ENGASE: variants seen among roughly 807,000 people sequenced by gnomAD.
ENGASE encodes the protein endo-beta-N-acetylglucosaminidase.
A neutral mutation model predicts 78.5 loss-of-function variants in ENGASE; 69 were observed. The ratio of observed to expected loss-of-function variants is 0.88; its 90% CI spans 0.72 to 1.07. The LOEUF (loss-of-function observed/expected upper bound fraction) is 1.07. Among genes scored for constraint, ENGASE ranks in the 50% least tolerant of loss-of-function variants. The probability of loss-of-function intolerance (pLI) is 0.00; values close to 1 mark genes in which losing one functional copy is unlikely to be tolerated. For synonymous variants in ENGASE, 408 were observed against 408.9 expected, an observed-to-expected ratio of 1.00 and a Z score of 0.03; for missense variants, 943 against 988.4, an observed-to-expected ratio of 0.95 and a Z score of 0.62.
At position 79,087,959 on chromosome 17, in the gene ENGASE, C is replaced by T. The variant is rs537406141; in HGVS notation, c.*1610C>T. 2 of 152,212 alleles carry T rather than the reference C, an allele frequency of 1.3e-5. No individual in the cohort carries two copies. 9.4% of individuals were successfully genotyped at this position (152,212 alleles called of 1,614,324 possible). ...GTGCTCTTGCCTAATTAGGAACATTCTCCCATGTCTCTTGTGTGGTCCCAG... is the reference window on the plus strand; with the variant it reads ...GTGCTCTTGCCTAATTAGGAACATTTTCCCATGTCTCTTGTGTGGTCCCAG... On this transcript the variant is annotated 3_prime_UTR_variant, in exon 14 of 14. Coordinates refer to ENST00000579016, the MANE Select transcript of ENGASE (RefSeq NM_001042573.3).
At chr17:79,076,849 C>T (rs72853338) in intron 1 of ENGASE, among the ~76,000 whole-genome samples, 3 of 152,222 alleles carry the variant, frequency 2.0e-5, no homozygotes, top group Non-Finnish European at 2.9e-5. Flanking sequence ...ATTGGGGTGG[C>T]TGCTTTAGAG....
In ENGASE at chr17:79,085,367, C is replaced by T. The variant is rs769754761; in HGVS notation, c.1700+25C>T. The T allele has an allele frequency of 1.0e-5, 16 of 1,551,664 alleles. No homozygotes were observed. In the South Asian group the frequency reaches 1.7e-4, roughly 17 times the overall value. On this transcript the variant is annotated intron_variant, in intron 12 of 13. Coordinates refer to ENST00000579016, the MANE Select transcript of ENGASE (RefSeq NM_001042573.3). ...AGTAAGTCCCTCTGCTTCTTCACGT[C>T]CTTCTCCCTCACTCAAGTCTCTGTT...
At chr17:79,079,348 G>A (rs1252328574) in intron 3 of ENGASE, 141 bp from the exon 4 acceptor site, 10 of 890,568 alleles carry the variant, frequency 1.1e-5, no homozygotes, top group Non-Finnish European at 1.7e-5. Context: ...AGTTTTTGTG[G>A]GGAGAGATGG....
At chr17:79,082,751 CGCGCAGCCACAGCCAGTTGGG>C in intron 7 of ENGASE, 1 of 1,440,912 alleles carries the variant, frequency 6.9e-7, no homozygotes. Flanking sequence ...ACAATGGGAC[CGCGCAGCCACAGCCAGTTGGG>C]GCCCAGCCCC....
Position 79,081,001 on chromosome 17 carries a change from T to G in ENGASE, c.800T>G (p.Leu267Arg), listed in dbSNP as rs1432771217. The change falls in exon 6 of 14, where the codon CTG becomes CGG. Residue 267 changes from leucine to arginine, a missense_variant. Coordinates refer to ENST00000579016, the MANE Select transcript of ENGASE (RefSeq NM_001042573.3). ...CTGCACCGGCAGGTCCCAGGGGGCC[T>G]GGTGCTCTGGTATGACAGCGTGGTG... Reference protein sequence around the residue: ...TQLHRQVPGGLVLWYDSVVQS... With the variant: ...TQLHRQVPGGRVLWYDSVVQS... 2 of 1,612,796 alleles carry G rather than the reference T, an allele frequency of 1.2e-6. No homozygotes were observed. The highest frequency in any genetic ancestry group is 2.7e-5 in the African/African-American group (2 of 74,890).
At position 79,081,201 on chromosome 17, in the gene ENGASE, G is replaced by A. The variant is rs1028290217; in HGVS notation, c.872+128G>A. 46 of 1,234,556 alleles carry A rather than the reference G, an allele frequency of 3.7e-5. No homozygotes were observed. The South Asian group carries it at 6.6e-4, about 18-fold the overall frequency. 76.5% of individuals were successfully genotyped at this position (1,234,556 alleles called of 1,614,324 possible). On this transcript the variant is annotated intron_variant, in intron 6 of 13. Transcript: ENST00000579016. ...GGTGATGCATATATGACTGCATTGGGTAAAAAGAGGGAGAAGGTGGGCCAG... is the reference window on the plus strand; with the variant it reads ...GGTGATGCATATATGACTGCATTGGATAAAAAGAGGGAGAAGGTGGGCCAG...
At position 79,075,930 on chromosome 17, in the gene ENGASE, G is replaced by T. The variant is rs571405541; in HGVS notation, c.146+840G>T. On this transcript the variant is annotated intron_variant, in intron 1 of 13. Transcript: ENST00000579016. Reference sequence around the variant, plus strand: ...GGATTGTTCTGAGAAGGTCTGGGAGGGGGTGGCTGAAGTATAATAAGGACA... The same window carrying T: ...GGATTGTTCTGAGAAGGTCTGGGAGTGGGTGGCTGAAGTATAATAAGGACA... 2.7e-3 allele frequency: 2,690 copies of T among 982,942 alleles called. 4 individuals are homozygous for T. The highest frequency in any genetic ancestry group is 3.2e-3 in the Non-Finnish European group (2,614 of 827,682). 60.9% of individuals were successfully genotyped at this position (982,942 alleles called of 1,614,324 possible).
chr17:79,085,878 G>A, intron 13 of ENGASE, 55 bp from the exon 14 acceptor site: 1 of 1,573,858 alleles, frequency 6.4e-7, no homozygotes, highest in Admixed American at 1.7e-5. Context: ...GTGCGTGGGG[G>A]CACCCTCTCC....
rs1327559864 is a variant in ENGASE, at chr17:79,088,451, G to C, written c.*2102G>C. Reference sequence around the variant, plus strand: ...ATTAGGAGTAAGGGGGCCTAGTAGAGCGTGGCGTGTGGCAGAATCGCACCG... The same window carrying C: ...ATTAGGAGTAAGGGGGCCTAGTAGACCGTGGCGTGTGGCAGAATCGCACCG... On this transcript the variant is annotated 3_prime_UTR_variant, in exon 14 of 14. Transcript: ENST00000579016. 2.0e-5 allele frequency: 3 copies of C among 152,238 alleles called. No homozygotes were observed. Among genetic ancestry groups the C allele is most frequent in the Non-Finnish European group, 4.4e-5 (3 of 68,036 alleles). 9.4% of individuals were successfully genotyped at this position (152,238 alleles called of 1,614,324 possible).
In ENGASE at chr17:79,074,847, CCAGCGCGGCGT is replaced by C; in HGVS notation, c.-91_-81del. On this transcript the variant is annotated 5_prime_UTR_variant, in exon 1 of 14. Transcript: ENST00000579016. ...CCGGGAGTCAGCTCGGAGTCCCGTC[CCAGCGCGGCGT>C]CAGCGCTGCGCACTTCCCATTGGCC... 1 of 1,205,876 alleles carries C rather than the reference CCAGCGCGGCGT, an allele frequency of 8.3e-7. No homozygotes were observed. The highest frequency in any genetic ancestry group is 1.0e-6 in the Non-Finnish European group (1 of 970,182). 74.7% of individuals were successfully genotyped at this position (1,205,876 alleles called of 1,614,324 possible).
At chr17:79,084,103 C>A (rs180727048) in intron 10 of ENGASE, 152 bp downstream of exon 10, 1 of 668,612 alleles carries the variant, frequency 1.5e-6, no homozygotes, top group Non-Finnish European at 2.5e-6. Context: ...AATGCATTAA[C>A]GTGAAATTCA....
In ENGASE at chr17:79,086,294, G is replaced by A. The variant is rs373709654; in HGVS notation, c.2177G>A (p.Arg726Gln). The change falls in exon 14 of 14, where the codon CGG (arginine) becomes CAG (glutamine). Residue 726 changes from arginine (R) to glutamine (Q), a missense_variant. Arg to Gln is a conservative substitution (Grantham distance 43). Coordinates refer to ENST00000579016, the MANE Select transcript of ENGASE (RefSeq NM_001042573.3). Reference protein sequence around the residue: ...LVEPVPKEGFRVPQAEWGRAV... With the variant: ...LVEPVPKEGFQVPQAEWGRAV... ...GAGCCTGTCCCCAAGGAAGGGTTCC[G>A]GGTACCTCAGGCCGAGTGGGGCAGG... is the stretch of plus-strand genomic sequence containing the variant. 76 of 1,613,448 alleles carry A rather than the reference G, an allele frequency of 4.7e-5. No homozygotes were observed. Among genetic ancestry groups the A allele is most frequent in the African/African-American group, 6.7e-5 (5 of 74,938 alleles).
intron 3 of ENGASE, among the ~76,000 whole-genome samples, chr17:79,078,550 C>T (rs747782001): frequency 5.3e-5 from 8 of 152,228 alleles, no homozygotes. Flanking sequence ...TTCCCTTAAG[C>T]TCTGATCCTG....
At chr17:79,082,948 ACGTCACTGG>A (rs1237172819) in intron 7 of ENGASE, 63 bp from the exon 8 acceptor site, 2 of 1,586,476 alleles carry the variant, frequency 1.3e-6, no homozygotes, top group African/African-American at 2.7e-5. Flanking sequence ...GCCCCAACCC[ACGTCACTGG>A]CGTCCAGGAG....
In ENGASE at chr17:79,083,803, A is replaced by T; in HGVS notation, c.1294A>T (p.Ile432Phe). Residue 432 changes from isoleucine to phenylalanine, a missense_variant, in exon 10 of 14, where the codon ATC becomes TTC. Physicochemically the swap from Ile to Phe is conservative, Grantham distance 21. Transcript: ENST00000579016. The surrounding 1 kb of genome is among the most constrained non-coding windows in gnomAD (Gnocchi z 4.9). Reference sequence around the variant, plus strand: ...CTGGTACCACCTGAGCGCCCAGGAGATCCAGCCCTTGTTTGGAGAACACAG... The same window carrying T: ...CTGGTACCACCTGAGCGCCCAGGAGTTCCAGCCCTTGTTTGGAGAACACAG... Reference protein sequence around the residue: ...GPWYHLSAQEIQPLFGEHRLG... With the variant: ...GPWYHLSAQEFQPLFGEHRLG... 6 of 1,612,150 alleles carry T rather than the reference A, an allele frequency of 3.7e-6. No homozygotes were observed. Among genetic ancestry groups the T allele is most frequent in the Non-Finnish European group, 5.1e-6 (6 of 1,179,378 alleles).
chr17:79,076,041 T>C (rs1382612149), intron 1 of ENGASE, among the ~76,000 whole-genome samples: 1 of 152,172 alleles, frequency 6.6e-6, no homozygotes, highest in East Asian at 1.9e-4. Context: ...ACCCCTGCAG[T>C]TCTCAGGGTC....
intron 6 of ENGASE, 104 bp downstream of exon 6, chr17:79,081,177 G>T: frequency 3.7e-6 from 5 of 1,338,202 alleles, no homozygotes; most frequent in Non-Finnish European, 5.0e-6. Context: ...CCTCATGGAG[G>T]TGATGCATAT....
chr17:79,081,904 CTTT>C lies in ENGASE; in HGVS notation c.880_882del (p.Phe294del). On this transcript the variant is annotated inframe_deletion, in exon 7 of 14. Coordinates refer to ENST00000579016, the MANE Select transcript of ENGASE (RefSeq NM_001042573.3). ...GGTCCTTGTTGCTTCTCAGGGTCTTCTTTGATTCCTGCGACGGCTTCTTCACTA... is the reference window on the plus strand; with the variant it reads ...GGTCCTTGTTGCTTCTCAGGGTCTTCGATTCCTGCGACGGCTTCTTCACTA... 1 of 1,611,664 alleles carries C rather than the reference CTTT, an allele frequency of 6.2e-7. No homozygotes were observed. Among genetic ancestry groups the C allele is most frequent in the Non-Finnish European group, 8.5e-7 (1 of 1,178,382 alleles).
In ENGASE at chr17:79,083,482, G is replaced by A. The variant is rs987344102; in HGVS notation, c.1143G>A (p.Lys381=). 11 of 1,613,466 alleles carry A rather than the reference G, an allele frequency of 6.8e-6. No individual in the cohort carries two copies. Among genetic ancestry groups the A allele is most frequent in the Non-Finnish European group, 9.3e-6 (11 of 1,179,574 alleles). ...EKKDFFQNQD[K]FWGRLERYLP... ...GCTGTTGCCCCCATGTCTCTGGCAG[G>A]TTCTGGGGCCGACTGGAGCGTTATC... The change falls in exon 9 of 14, where the codon AAG becomes AAA. Residue 381 remains lysine (K), a splice_region_variant and synonymous_variant. Coordinates refer to ENST00000579016, the MANE Select transcript of ENGASE (RefSeq NM_001042573.3). This position sits in a 1 kb window ranked among gnomAD's most constrained non-coding sequence, Gnocchi z 4.9.
Sources: gnomAD v4.1 joint callset for allele counts (sites outside exome capture counted in the v4.1 genomes callset) on GRCh38, gnomAD v4.1.1 for gene constraint, Gnocchi (gnomAD v3.1) non-coding constraint, MANE v1.5 for transcripts, NCBI Gene and HGNC (gene_info 2026-07-23, HGNC 2026-07-21) for gene names.